Variants in TJP1 observed in about 807,000 individuals in gnomAD.
The protein encoded by TJP1 is tight junction protein ZO-1.
A neutral mutation model predicts 194.2 loss-of-function variants in TJP1; 43 were observed. That is an observed-to-expected ratio of 0.22 (90% CI 0.17 to 0.29). The LOEUF (loss-of-function observed/expected upper bound fraction) is 0.29. Among genes scored for constraint, TJP1 ranks in the 10% least tolerant of loss-of-function variants. The pLI is 1.00. For synonymous variants in TJP1, 801 were observed against 779.0 expected (o/e 1.03, Z -0.47); for missense variants, 1,971 against 2,185.7 (o/e 0.90, Z 1.96).
At chr15:29,777,218 C>A (rs972709457) in intron 2 of TJP1, among the ~76,000 whole-genome samples, 1 of 152,132 alleles carries the variant, frequency 6.6e-6, no homozygotes, top group African/African-American at 2.4e-5. Context: ...TGAAATTGTT[C>A]TTTTAATCTA....
intron 24 of TJP1, 27 bp downstream of exon 24, chr15:29,710,804 T>C: frequency 6.2e-7 from 1 of 1,613,458 alleles, no homozygotes; most frequent in South Asian, 1.1e-5. Context: ...ATTACTGTGT[T>C]AAAATGTCTA....
intron 2 of TJP1, among the ~76,000 whole-genome samples, chr15:29,903,593 C>T (rs1283058555): frequency 2.6e-5 from 4 of 151,988 alleles, no homozygotes; most frequent in African/African-American, 7.2e-5. Context: ...TACAGGCACC[C>T]GCCACCACGC....
chr15:29,920,163 C>A (rs1175974833), intron 2 of TJP1, among the ~76,000 whole-genome samples: 2 of 152,166 alleles, frequency 1.3e-5, no homozygotes, highest in African/African-American at 4.8e-5. Context: ...AGTTACAGTA[C>A]GAACTCTCAC....
At chr15:29,953,237 G>C (rs1431163113) in intron 2 of TJP1, among the ~76,000 whole-genome samples, 1 of 139,474 alleles carries the variant, frequency 7.2e-6, no homozygotes, top group Non-Finnish European at 1.5e-5. Flanking sequence ...CACCTCCCGA[G>C]TTCAAGCCAT....
Position 29,761,723 on chromosome 15 carries a change from G to C in TJP1, c.740C>G (p.Thr247Arg). 6.3e-7 allele frequency: 1 copy of C among 1,597,510 alleles called. No homozygotes were observed. The highest frequency in any genetic ancestry group is 8.6e-7 in the Non-Finnish European group (1 of 1,167,048). ...TENMSLTDAK[T>R]LIERSKGKLK... ...TTTGCCTTTAGACCTTTCTATCAATGTCTTTGCATCTGTCAATGACATATT... is the reference window on the plus strand; with the variant it reads ...TTTGCCTTTAGACCTTTCTATCAATCTCTTTGCATCTGTCAATGACATATT... The change falls in exon 7 of 28, where the codon ACA becomes AGA. Residue 247 changes from threonine (T) to arginine (R), a missense_variant. By Grantham distance (71) the Thr-to-Arg change is moderately conservative. Around this residue, in one of 5 missense-constraint regions of TJP1, gnomAD observed 245 missense variants for 336.6 expected, o/e 0.73. Coordinates refer to ENST00000614355, the MANE Select transcript of TJP1 (RefSeq NM_001330239.4).
intron 10 of TJP1, 140 bp from the exon 11 acceptor site, chr15:29,737,554 TAAAA>T: frequency 2.3e-6 from 2 of 852,170 alleles, no homozygotes; most frequent in Non-Finnish European, 3.4e-6. Flanking sequence ...TTTTACTAAA[TAAAA>T]TTTAGTGTTA....
intron 2 of TJP1, among the ~76,000 whole-genome samples, chr15:29,888,770 A>G (rs546158481): frequency 6.6e-6 from 1 of 152,292 alleles, no homozygotes; most frequent in Non-Finnish European, 1.5e-5. Context: ...AGCAGCTCTC[A>G]TGCATTTTCA....
chr15:29,903,944 A>C (rs2053719955), intron 2 of TJP1, among the ~76,000 whole-genome samples: 1 of 152,176 alleles, frequency 6.6e-6, no homozygotes, highest in Non-Finnish European at 1.5e-5. Context: ...GCTCATACAA[A>C]ATGAACTGCA....
intron 2 of TJP1, among the ~76,000 whole-genome samples, chr15:29,792,069 T>C (rs1369862643): frequency 1.3e-5 from 2 of 152,194 alleles, no homozygotes; most frequent in South Asian, 2.1e-4. Flanking sequence ...CTTCATTCTG[T>C]GGGTTGTTTC....
intron 2 of TJP1, among the ~76,000 whole-genome samples, chr15:29,953,299 G>A (rs1278301637): frequency 6.6e-6 from 1 of 151,764 alleles, no homozygotes; most frequent in Non-Finnish European, 1.5e-5. Context: ...CTGCCACCAC[G>A]CCCAGCTAAT....
rs1219852755 is a variant in TJP1 at position 29,716,693 on chromosome 15, G to A, written c.4120C>T (p.His1374Tyr). The A allele has an allele frequency of 1.2e-6, 2 of 1,614,166 alleles. No homozygotes were observed. The change falls in exon 23 of 28, where the codon CAC becomes TAC. Residue 1374 changes from histidine (H) to tyrosine (Y), a missense_variant. Transcript: ENST00000614355. The part of the protein sequence containing the change: ...RRSFENKPPA[H>Y]IAASHLSEPA... ...TCGGAGAGATGGCTGGCGGCAATGT[G>A]TGCAGGAGGCTTATTCTCAAAACTT...
chr15:29,764,022 T>C (rs2151554114), intron 5 of TJP1, among the ~76,000 whole-genome samples: 1 of 152,314 alleles, frequency 6.6e-6, no homozygotes, highest in African/African-American at 2.4e-5. Context: ...TGTATATTAG[T>C]TTGTTCGTTC....
At chr15:29,908,048 CAAAAAAAAAAAAAAAAAAAAAAAA>C (rs1156724424) in intron 2 of TJP1, among the ~76,000 whole-genome samples, 35 of 19,524 alleles carry the variant, frequency 1.8e-3, no homozygotes, top group South Asian at 0.012. Flanking sequence ...CCTTATAAAG[CAAAAAAAAAAAAAAAAAAAAAAAA>C]AAAAAAAAAA....
intron 2 of TJP1, among the ~76,000 whole-genome samples, chr15:29,941,977 C>A (rs993379510): frequency 6.6e-6 from 1 of 152,116 alleles, no homozygotes; most frequent in Non-Finnish European, 1.5e-5. Context: ...GAGGTGGCTG[C>A]GGTCTCCATG....
At chr15:29,879,371 G>C (rs2052840121) in intron 2 of TJP1, among the ~76,000 whole-genome samples, 2 of 152,204 alleles carry the variant, frequency 1.3e-5, no homozygotes, top group Non-Finnish European at 2.9e-5. Flanking sequence ...ACCACCAGTG[G>C]ACAGACGCCT....
At chr15:29,699,882 GGTGT>G, downstream of TJP1, 1 of 182,400 alleles carries the variant, frequency 5.5e-6, no homozygotes, top group Non-Finnish European at 1.1e-5. Context: ...TCCACGCAGG[GGTGT>G]GTGTTTACCC....
intron 2 of TJP1, among the ~76,000 whole-genome samples, chr15:29,832,881 A>G (rs1194169387): frequency 6.6e-6 from 1 of 152,168 alleles, no homozygotes; most frequent in African/African-American, 2.4e-5. Flanking sequence ...CCCTGACACA[A>G]TTCTGCAACC....
intron 2 of TJP1, among the ~76,000 whole-genome samples, chr15:29,838,499 A>G (rs1423054123): frequency 1.3e-5 from 2 of 152,182 alleles, no homozygotes; most frequent in Non-Finnish European, 2.9e-5. Flanking sequence ...AGCCCCTCCA[A>G]TGTGAAGAAT....
At position 29,704,432 on chromosome 15, in the gene TJP1, C is replaced by T. The variant is rs2041761331; in HGVS notation, c.5069-127G>A. 6 of 1,108,026 alleles carry T rather than the reference C, an allele frequency of 5.4e-6. No homozygotes were observed. In the East Asian group the frequency reaches 1.6e-4, roughly 29 times the overall value. The allele number at this position is 1,108,026 out of a possible 1,614,324, so 68.6% of individuals were successfully genotyped here. A position where few individuals can be genotyped will look rare whatever the true frequency, so the allele number is the denominator to read the frequency against. Reference sequence around the variant, plus strand: ...ATGGAGTTAGTTCTCTACAGTCGCACTGACCACAAAAAAACGTAACAGCAG... The same window carrying T: ...ATGGAGTTAGTTCTCTACAGTCGCATTGACCACAAAAAAACGTAACAGCAG... On this transcript the variant is annotated intron_variant, in intron 26 of 27. Coordinates refer to ENST00000614355, the MANE Select transcript of TJP1 (RefSeq NM_001330239.4).
Sources: gnomAD v4.1 joint callset for allele counts (sites outside exome capture counted in the v4.1 genomes callset) on GRCh38, gnomAD v4.1.1 for gene constraint, gnomAD v4.1.1 regional missense constraint, MANE v1.5 for transcripts, NCBI Gene and HGNC (gene_info 2026-07-23, HGNC 2026-07-21) for gene names.